The following PKNOX2 variants were observed in gnomAD, a reference collection of about 807,000 sequenced individuals.
The protein encoded by PKNOX2 is PBX/knotted 1 homeobox 2.
Under a neutral mutation model 53.1 loss-of-function variants are expected in PKNOX2, and 14 were observed. The observed-to-expected ratio is 0.26, with a 90% CI of 0.17 to 0.41. The LOEUF (loss-of-function observed/expected upper bound fraction) is 0.41, where lower values mean the gene tolerates loss of function less well. Among genes scored for constraint, PKNOX2 ranks in the 10% least tolerant of loss-of-function variants. PKNOX2 has a pLI of 1.00. For missense variants in PKNOX2, 496 were observed against 602.8 expected, an observed-to-expected ratio of 0.82 and a Z score of 1.85; for synonymous variants, 257 against 242.8, an observed-to-expected ratio of 1.06 and a Z score of -0.54.
intron 3 of PKNOX2, among the ~76,000 whole-genome samples, chr11:125,333,991 C>G (rs935845877): frequency 2.0e-5 from 3 of 152,192 alleles, no homozygotes; most frequent in Non-Finnish European, 4.4e-5. Flanking sequence ...CCTGGGCCTG[C>G]CTGCCTCCCC....
rs144442569 is a variant in PKNOX2, at chr11:125,231,266, A to T, written c.-200-3779A>T. ...GGATATGTTTCATAGATGCCTGCAC[A>T]GCTATCCTTGAGGATGCAGAGACAA... On this transcript the variant is annotated intron_variant, in intron 1 of 12. Transcript: ENST00000298282. Among the ~76,000 whole-genome samples the T allele has an allele frequency of 9.6e-3, 1,458 of 152,336 alleles. 12 individuals carry two copies. The highest frequency in any genetic ancestry group is 0.013 in the Non-Finnish European group (892 of 68,022).
At chr11:125,176,758 G>A (rs1275224797) in intron 1 of PKNOX2, among the ~76,000 whole-genome samples, 4 of 152,276 alleles carry the variant, frequency 2.6e-5, no homozygotes, top group East Asian at 1.9e-4. Context: ...CCCAGGCAAG[G>A]ACTGAACAAG....
chr11:125,343,181 TGG>T, intron 3 of PKNOX2, among the ~76,000 whole-genome samples: 1 of 152,092 alleles, frequency 6.6e-6, no homozygotes, highest in East Asian at 1.9e-4. Flanking sequence ...TGAACATCAC[TGG>T]CAAAAGCGGG....
At position 125,165,520 on chromosome 11, in the gene PKNOX2, G is replaced by A. The variant is rs1313604451; in HGVS notation, c.-201+744G>A. Among the ~76,000 whole-genome samples, 3 of 152,160 alleles carry A rather than the reference G, an allele frequency of 2.0e-5. No homozygotes were observed. The highest frequency in any genetic ancestry group is 4.4e-5 in the Non-Finnish European group (3 of 68,010). On this transcript the variant is annotated intron_variant, in intron 1 of 12. Transcript: ENST00000298282. This position sits in a 1 kb window ranked among gnomAD's most constrained non-coding sequence, Gnocchi z 4.5. The stretch of plus-strand genomic sequence containing the variant: ...GGTCCCAGGCTGGGGCCAGGTGACC[G>A]GAGGAGTCGAGGAGCCGCGGCCGCG...
intron 1 of PKNOX2, among the ~76,000 whole-genome samples, chr11:125,208,390 T>C (rs1421929523): frequency 6.6e-6 from 1 of 152,104 alleles, no homozygotes; most frequent in Non-Finnish European, 1.5e-5. Flanking sequence ...TGCACTTTTC[T>C]ATAGCCCACA....
At chr11:125,253,439 G>A (rs113283631) in intron 2 of PKNOX2, among the ~76,000 whole-genome samples, 15 of 152,306 alleles carry the variant, frequency 9.8e-5, no homozygotes, top group African/African-American at 3.4e-4. Flanking sequence ...GTGAGGAGGA[G>A]AGGAGGGTGG....
chr11:125,422,838 G>T lies in PKNOX2; in HGVS notation c.937-6174G>T, dbSNP rs1209484753. Among the ~76,000 whole-genome samples the T allele has an allele frequency of 6.6e-6, 1 of 152,136 alleles. No individual in the cohort carries two copies. The highest frequency in any genetic ancestry group is 2.4e-5 in the African/African-American group (1 of 41,414). ...GGAAATAAAACCCATTTGAAAAAAT[G>T]AGCGTATTTGTATGCTCACAGAAGG... On this transcript the variant is annotated intron_variant, in intron 10 of 12. Transcript: ENST00000298282. This position sits in a 1 kb window ranked among gnomAD's most constrained non-coding sequence, Gnocchi z 4.1.
chr11:125,382,829 T>G (rs1953342544), intron 5 of PKNOX2, among the ~76,000 whole-genome samples: 1 of 152,250 alleles, frequency 6.6e-6, no homozygotes, highest in Admixed American at 6.5e-5. Flanking sequence ...TTCAGCCGAA[T>G]GGCTAAGCTA....
At chr11:125,345,609 T>A (rs1950929221) in intron 3 of PKNOX2, among the ~76,000 whole-genome samples, 3 of 152,196 alleles carry the variant, frequency 2.0e-5, no homozygotes, top group Admixed American at 2.0e-4. Context: ...CAGAGTCACA[T>A]GAAATCAGTG....
In PKNOX2 at chr11:125,215,626, C is replaced by A. The variant is rs556478009; in HGVS notation, c.-200-19419C>A. ...AATTCGCCAGGCATAGTGGTGTGCA[C>A]CAGTAATCCCAGCTACTAGGGAAGC... is the stretch of plus-strand genomic sequence containing the variant. On this transcript the variant is annotated intron_variant, in intron 1 of 12. Coordinates refer to ENST00000298282, the MANE Select transcript of PKNOX2 (RefSeq NM_001382323.2). 9.2e-5 allele frequency among the ~76,000 whole-genome samples: 14 copies of A among 151,426 alleles called. No individual in the cohort carries two copies. The South Asian group carries it at 1.0e-3, about 11-fold the overall frequency.
In PKNOX2 at chr11:125,383,467, A is replaced by AAAAG. The variant is rs201052187; in HGVS notation, c.228-2084_228-2083insAAAG. The stretch of plus-strand genomic sequence containing the variant: ...TGCTAAAAAAAAAAAAAAAAAAAAA[A>AAAAG]TTAGTCAGGCATGATGGCGGGAACC... On this transcript the variant is annotated intron_variant, in intron 5 of 12. Transcript: ENST00000298282. Among the ~76,000 whole-genome samples the AAAAG allele has an allele frequency of 2.1e-5, 3 of 145,668 alleles. 1 individual carries two copies. Among genetic ancestry groups the AAAAG allele is most frequent in the African/African-American group, 5.2e-5 (2 of 38,376 alleles).
chr11:125,349,015 TC>T (rs1951148598), intron 3 of PKNOX2, among the ~76,000 whole-genome samples: 1 of 152,060 alleles, frequency 6.6e-6, no homozygotes, highest in African/African-American at 2.4e-5. Flanking sequence ...TGATCGATGC[TC>T]CCGGGAAGAG....
chr11:125,344,813 C>T (rs993465228), intron 3 of PKNOX2, among the ~76,000 whole-genome samples: 6 of 152,130 alleles, frequency 3.9e-5, no homozygotes, highest in East Asian at 1.9e-4. Flanking sequence ...GTGCTGGGTG[C>T]GGTGTGCCCT....
intron 5 of PKNOX2, among the ~76,000 whole-genome samples, chr11:125,372,233 C>T (rs746357787): frequency 2.6e-5 from 4 of 152,142 alleles, no homozygotes; most frequent in Admixed American, 6.5e-5. Context: ...TGCTGATCCC[C>T]GTGATGTAAA....
intron 2 of PKNOX2, among the ~76,000 whole-genome samples, chr11:125,278,187 C>T (rs1324539066): frequency 6.6e-6 from 1 of 150,956 alleles, no homozygotes; most frequent in African/African-American, 2.4e-5. Flanking sequence ...CCACTGCATG[C>T]CCACTTGGGC....
chr11:125,395,800 G>C (rs1262936437), intron 6 of PKNOX2, among the ~76,000 whole-genome samples: 1 of 152,000 alleles, frequency 6.6e-6, no homozygotes, highest in Admixed American at 6.6e-5. Flanking sequence ...TTTGTTTTGA[G>C]AGTTCTTTAT....
chr11:125,332,160 T>C (rs1327772644), intron 3 of PKNOX2, among the ~76,000 whole-genome samples: 1 of 152,168 alleles, frequency 6.6e-6, no homozygotes, highest in African/African-American at 2.4e-5. Flanking sequence ...GAACAATAAA[T>C]GGTTCTGTGA....
At position 125,431,467 on chromosome 11, in the gene PKNOX2, G is replaced by T; in HGVS notation, c.*75G>T. 1 of 321,248 alleles carries T rather than the reference G, an allele frequency of 3.1e-6. No homozygotes were observed. Among genetic ancestry groups the T allele is most frequent in the South Asian group, 2.7e-5 (1 of 37,350 alleles). 19.9% of individuals were successfully genotyped at this position (321,248 alleles called of 1,614,324 possible). A position where few individuals can be genotyped will look rare whatever the true frequency, so the allele number is the denominator to read the frequency against. On this transcript the variant is annotated 3_prime_UTR_variant, in exon 13 of 13. Coordinates refer to ENST00000298282, the MANE Select transcript of PKNOX2 (RefSeq NM_001382323.2). ...GGGAGGCCTTCAGGGTGGGGGGGAA[G>T]GGGACATGGGCAGGAAGCACCGAGG...
intron 1 of PKNOX2, among the ~76,000 whole-genome samples, chr11:125,188,922 C>T (rs192129918): frequency 6.5e-4 from 98 of 151,842 alleles, no homozygotes; most frequent in African/African-American, 1.3e-3. Context: ...GGACGTGGCA[C>T]CCTGCAGAAA....
Sources: allele counts gnomAD v4.1 joint callset (sites outside exome capture counted in the v4.1 genomes callset), GRCh38; gene constraint gnomAD v4.1.1; non-coding constraint Gnocchi (gnomAD v3.1); transcripts MANE v1.5; gene names NCBI Gene and HGNC (gene_info 2026-07-23, HGNC 2026-07-21).